MALRD1: variants seen among roughly 807,000 people sequenced by gnomAD.
The protein encoded by MALRD1 is MAM and LDL-receptor class A domain-containing protein 1.
MALRD1 carries 247 observed loss-of-function variants against 242.1 expected under a neutral mutation model. That is an observed-to-expected ratio of 1.02 (90% CI 0.92 to 1.13). MALRD1 has a LOEUF of 1.13. MALRD1 is among the 50% of genes most tolerant of loss of function. The pLI is 0.00. For missense variants in MALRD1, 2,989 were observed against 2,533.1 expected, an observed-to-expected ratio of 1.18 and a Z score of -3.86; for synonymous variants, 995 against 866.6, an observed-to-expected ratio of 1.15 and a Z score of -2.60.
At chr10:19,503,677 C>T (rs76828341) in intron 31 of MALRD1, among the ~76,000 whole-genome samples, 31 of 152,294 alleles carry the variant, frequency 2.0e-4, no homozygotes, top group Non-Finnish European at 4.0e-4. Flanking sequence ...TCGGCCATCT[C>T]CACAATTAGA....
chr10:19,607,714 A>T, intron 34 of MALRD1, 63 bp from the exon 35 acceptor site: 1 of 1,509,572 alleles, frequency 6.6e-7, no homozygotes, highest in South Asian at 1.3e-5. Flanking sequence ...TTGTTGTGAG[A>T]ATTCATTGGG....
chr10:19,486,769 G>A (rs945176811), intron 29 of MALRD1, among the ~76,000 whole-genome samples: 1 of 152,088 alleles, frequency 6.6e-6, no homozygotes, highest in Non-Finnish European at 1.5e-5. Context: ...ATCTGGTTCA[G>A]TGTAATGAAC....
intron 33 of MALRD1, among the ~76,000 whole-genome samples, chr10:19,587,152 G>A (rs1332869584): frequency 1.3e-5 from 2 of 152,182 alleles, no homozygotes; most frequent in East Asian, 1.9e-4. Flanking sequence ...GATGAACCCG[G>A]TACCTCAGAT....
intron 17 of MALRD1, among the ~76,000 whole-genome samples, chr10:19,207,325 T>G (rs1214825064): frequency 1.3e-5 from 2 of 152,210 alleles, no homozygotes; most frequent in East Asian, 3.9e-4. Context: ...AATTGACACG[T>G]TCCTATATTA....
intron 29 of MALRD1, among the ~76,000 whole-genome samples, chr10:19,490,411 T>C (rs1052448637): frequency 4.5e-4 from 67 of 149,728 alleles, no homozygotes; most frequent in Admixed American, 6.1e-4. Flanking sequence ...CAATGTTTTC[T>C]GCACAAGCGA....
intron 38 of MALRD1, among the ~76,000 whole-genome samples, chr10:19,696,124 A>T (rs1320628719): frequency 6.6e-6 from 1 of 152,150 alleles, no homozygotes; most frequent in East Asian, 1.9e-4. Flanking sequence ...AACAGGGGCC[A>T]AGAGCTGCTG....
intron 10 of MALRD1, 132 bp downstream of exon 10, chr10:19,136,913 T>C: frequency 1.8e-6 from 1 of 542,428 alleles, no homozygotes; most frequent in Non-Finnish European, 2.8e-6. Flanking sequence ...GCATTATCGC[T>C]CTGAAACTAT....
chr10:19,207,184 T>TA (rs796486212), intron 17 of MALRD1, among the ~76,000 whole-genome samples: 13 of 152,080 alleles, frequency 8.5e-5, no homozygotes, highest in African/African-American at 2.2e-4. Flanking sequence ...GACATTTATT[T>TA]AAAAAAAACT....
At chr10:19,406,141 G>A (rs182757981) in intron 28 of MALRD1, among the ~76,000 whole-genome samples, 32 of 152,144 alleles carry the variant, frequency 2.1e-4, no homozygotes, top group Non-Finnish European at 4.1e-4. Flanking sequence ...GCCACCAAAT[G>A]CTATACCAGT....
rs116791693 is a variant in MALRD1, at chr10:19,593,657, A to G, written c.5681-1537A>G. Reference sequence around the variant, plus strand: ...ACTAATCACCAATTAGTTCCGTTCTATATGTTCACATACATTCTCTGACCT... The same window carrying G: ...ACTAATCACCAATTAGTTCCGTTCTGTATGTTCACATACATTCTCTGACCT... On this transcript the variant is annotated intron_variant, in intron 33 of 39. Coordinates refer to ENST00000454679, the MANE Select transcript of MALRD1 (RefSeq NM_001142308.3). Among the ~76,000 whole-genome samples the G allele has an allele frequency of 2.0e-3, 302 of 152,318 alleles. 3 individuals carry two copies. The highest frequency in any genetic ancestry group is 6.9e-3 in the African/African-American group (288 of 41,576).
At chr10:19,420,065 C>G (rs1330115097) in intron 28 of MALRD1, among the ~76,000 whole-genome samples, 9 of 151,894 alleles carry the variant, frequency 5.9e-5, no homozygotes, top group African/African-American at 1.9e-4. Flanking sequence ...AAGGTTGCAC[C>G]CTTACAGAGG....
intron 36 of MALRD1, among the ~76,000 whole-genome samples, chr10:19,617,493 T>C (rs185837005): frequency 6.6e-6 from 1 of 152,164 alleles, no homozygotes; most frequent in East Asian, 1.9e-4. Flanking sequence ...AAAAATAACT[T>C]TTGAAACTTT....
intron 32 of MALRD1, among the ~76,000 whole-genome samples, chr10:19,531,961 A>G (rs1834435807): frequency 6.6e-6 from 1 of 152,172 alleles, no homozygotes; most frequent in African/African-American, 2.4e-5. Flanking sequence ...CACCACACCT[A>G]GTGTTATTAA....
chr10:19,272,243 G>C (rs1429269642), intron 19 of MALRD1, among the ~76,000 whole-genome samples: 1 of 151,990 alleles, frequency 6.6e-6, no homozygotes, highest in Non-Finnish European at 1.5e-5. Flanking sequence ...CATAGAAGTA[G>C]TGATTGATAA....
intron 26 of MALRD1, among the ~76,000 whole-genome samples, chr10:19,369,819 A>ATT (rs1845294778): frequency 6.6e-6 from 1 of 151,940 alleles, no homozygotes; most frequent in South Asian, 2.1e-4. Context: ...TGCCAGTATC[A>ATT]TTATATATAT....
intron 18 of MALRD1, among the ~76,000 whole-genome samples, chr10:19,214,937 A>C (rs147615071): frequency 6.6e-6 from 1 of 152,200 alleles, no homozygotes; most frequent in Non-Finnish European, 1.5e-5. Context: ...ACTTTGGCTA[A>C]CTTATTCAAA....
chr10:19,249,500 G>A (rs901745196), intron 18 of MALRD1, among the ~76,000 whole-genome samples: 3 of 151,928 alleles, frequency 2.0e-5, no homozygotes, highest in Non-Finnish European at 4.4e-5. Context: ...GTTGAAAGGG[G>A]AAGTTTCATT....
intron 28 of MALRD1, among the ~76,000 whole-genome samples, chr10:19,400,727 A>G (rs1472228321): frequency 1.3e-5 from 2 of 152,156 alleles, no homozygotes; most frequent in African/African-American, 4.8e-5. Context: ...GAAAAATAGA[A>G]GAAAGAGGCC....
chr10:19,085,412 G>A (rs972174352), intron 2 of MALRD1, among the ~76,000 whole-genome samples: 8 of 151,924 alleles, frequency 5.3e-5, no homozygotes, highest in African/African-American at 9.7e-5. Context: ...AAAAAATTGT[G>A]ATTGTCACTA....
Sources: allele counts gnomAD v4.1 joint callset (sites outside exome capture counted in the v4.1 genomes callset), GRCh38; gene constraint gnomAD v4.1.1; transcripts MANE v1.5; gene names NCBI Gene and HGNC (gene_info 2026-07-23, HGNC 2026-07-21).